CACNA1C: variants seen among roughly 807,000 people sequenced by gnomAD.
The protein encoded by CACNA1C is voltage-dependent L-type calcium channel subunit alpha-1C.
In CACNA1C, 30 loss-of-function variants were observed where a neutral mutation model predicts 229.0. The observed-to-expected ratio is 0.13, with a 90% CI of 0.10 to 0.18. The LOEUF is 0.18. Ranked by LOEUF, CACNA1C falls within the 10% of genes least tolerant of loss-of-function variation. The pLI is 1.00. For missense variants in CACNA1C, 1,658 were observed against 2,845.0 expected (o/e 0.58, Z 9.49); for synonymous variants, 1,114 against 1,132.5 (o/e 0.98, Z 0.33).
chr12:2,472,777 A>C (rs2099600234), intron 5 of CACNA1C, among the ~76,000 whole-genome samples: 1 of 152,206 alleles, frequency 6.6e-6, no homozygotes, highest in African/African-American at 2.4e-5. Flanking sequence ...CGAATATTAG[A>C]ATCATGGATA....
chr12:2,109,674 T>C (rs2080850943), intron 1 of CACNA1C, among the ~76,000 whole-genome samples: 1 of 152,152 alleles, frequency 6.6e-6, no homozygotes, highest in Non-Finnish European at 1.5e-5. Flanking sequence ...AAAGGTGACT[T>C]TGGCTGCTGC....
At chr12:2,030,543 C>T (rs2048049902) in intron 1 of CACNA1C, among the ~76,000 whole-genome samples, 2 of 152,208 alleles carry the variant, frequency 1.3e-5, no homozygotes, top group Admixed American at 6.5e-5. Flanking sequence ...TCACATGTTG[C>T]AGTGGGCTGC....
At chr12:2,672,652 T>C (rs775658264) in intron 38 of CACNA1C, among the ~76,000 whole-genome samples, 1 of 152,138 alleles carries the variant, frequency 6.6e-6, no homozygotes, top group African/African-American at 2.4e-5. Context: ...TGTCCTCTCC[T>C]CTTCTTGGAA....
At chr12:2,032,609 T>A (rs68133359) in intron 1 of CACNA1C, among the ~76,000 whole-genome samples, 23,307 of 152,210 alleles carry the variant, frequency 0.15, 1,832 homozygotes, top group South Asian at 0.16. Context: ...TTGATGTTCA[T>A]TGGGGCTGCA....
intron 29 of CACNA1C, among the ~76,000 whole-genome samples, chr12:2,628,433 C>T (rs1568915121): frequency 6.6e-6 from 1 of 152,188 alleles, no homozygotes; most frequent in African/African-American, 2.4e-5. Context: ...TACTAGTGAC[C>T]TGGAGGATGG....
At chr12:2,444,329 G>A (rs1299195234) in intron 3 of CACNA1C, among the ~76,000 whole-genome samples, 2 of 152,138 alleles carry the variant, frequency 1.3e-5, no homozygotes, top group African/African-American at 4.8e-5. Context: ...TAACCTTTAA[G>A]TTTCTTTCTC....
At chr12:2,438,118 A>G (rs1381194862) in intron 3 of CACNA1C, among the ~76,000 whole-genome samples, 2 of 129,662 alleles carry the variant, frequency 1.5e-5, no homozygotes, top group Admixed American at 7.7e-5. Flanking sequence ...GTGATAGTAG[A>G]GGTAGTAGTA....
chr12:2,297,017 C>T (rs2154465424), intron 3 of CACNA1C, among the ~76,000 whole-genome samples: 1 of 152,332 alleles, frequency 6.6e-6, no homozygotes, highest in East Asian at 1.9e-4. Flanking sequence ...TGGTCTTGGT[C>T]CTCCTGCCTT....
Position 2,319,311 on chromosome 12 carries a change from G to A in CACNA1C, c.478-129665G>A, listed in dbSNP as rs58363048. 0.097 allele frequency among the ~76,000 whole-genome samples: 14,782 copies of A among 151,966 alleles called. 2,405 individuals are homozygous for A. Among genetic ancestry groups the A allele is most frequent in the African/African-American group, 0.34 (13,955 of 41,390 alleles). ...GGGGCAGCGTGCATGAAGGCGGCAT[G>A]CATGGGGGTGCCGTGCATGGTGGGC... On this transcript the variant is annotated intron_variant, in intron 3 of 46. Coordinates refer to ENST00000399655, the MANE Select transcript of CACNA1C (RefSeq NM_000719.7). The surrounding 1 kb of genome is among the most constrained non-coding windows in gnomAD (Gnocchi z 4.0).
chr12:2,612,218 C>G, intron 29 of CACNA1C: 3 of 547,448 alleles, frequency 5.5e-6, no homozygotes, highest in Non-Finnish European at 9.8e-6. Context: ...TCTCAGCTCT[C>G]AGTGTTGACC....
At chr12:2,652,473 G>A (rs763396297) in intron 32 of CACNA1C, among the ~76,000 whole-genome samples, 4 of 152,246 alleles carry the variant, frequency 2.6e-5, no homozygotes, top group Non-Finnish European at 4.4e-5. Flanking sequence ...CCGTGAAGGC[G>A]GTTTCATGCT....
At position 2,649,813 on chromosome 12, in the gene CACNA1C, G is replaced by A. The variant is rs941538410; in HGVS notation, c.3945+1306G>A. Reference sequence around the variant, plus strand: ...CTTGTTCTTTTTTTTCTCCTTTCTCGAACACGGTGGAACTGACAGCTGAGT... The same window carrying A: ...CTTGTTCTTTTTTTTCTCCTTTCTCAAACACGGTGGAACTGACAGCTGAGT... On this transcript the variant is annotated intron_variant, in intron 31 of 46. Coordinates refer to ENST00000399655, the MANE Select transcript of CACNA1C (RefSeq NM_000719.7). The surrounding 1 kb of genome is among the most constrained non-coding windows in gnomAD (Gnocchi z 4.4). 4.0e-5 allele frequency among the ~76,000 whole-genome samples: 6 copies of A among 151,554 alleles called. No homozygotes were observed. The highest frequency in any genetic ancestry group is 1.5e-4 in the African/African-American group (6 of 41,204).
At chr12:2,524,001 A>G (rs753399455) in intron 9 of CACNA1C, among the ~76,000 whole-genome samples, 7 of 152,260 alleles carry the variant, frequency 4.6e-5, no homozygotes, top group African/African-American at 7.2e-5. Context: ...TGACAGCTCC[A>G]GCCTTTCTCA....
At chr12:2,190,525 C>T (rs552708458) in intron 3 of CACNA1C, among the ~76,000 whole-genome samples, 7 of 152,304 alleles carry the variant, frequency 4.6e-5, no homozygotes, top group Middle Eastern at 3.4e-3. Flanking sequence ...TTATTCATTA[C>T]GCACTCAATG....
At chr12:2,690,583 C>T (rs2097765714) in intron 46 of CACNA1C, among the ~76,000 whole-genome samples, 1 of 152,208 alleles carries the variant, frequency 6.6e-6, no homozygotes, top group African/African-American at 2.4e-5. Context: ...GTCCTTCTGC[C>T]TGGGCTTCCC....
intron 4 of CACNA1C, among the ~76,000 whole-genome samples, chr12:2,449,860 C>T (rs2099344582): frequency 6.6e-6 from 1 of 152,200 alleles, no homozygotes; most frequent in Non-Finnish European, 1.5e-5. Flanking sequence ...ATGCAGTCTG[C>T]AGGTGTGGGG....
At chr12:2,528,524 C>T (rs575327744) in intron 9 of CACNA1C, among the ~76,000 whole-genome samples, 1 of 152,340 alleles carries the variant, frequency 6.6e-6, no homozygotes, top group African/African-American at 2.4e-5. Context: ...CTGATCTCTG[C>T]ACGGAAAGCC....
chr12:2,076,399 G>A (rs993338438), intron 1 of CACNA1C, among the ~76,000 whole-genome samples: 3 of 152,042 alleles, frequency 2.0e-5, no homozygotes, highest in Admixed American at 6.6e-5. Context: ...AAAGGGGCTC[G>A]TACACATACA....
chr12:2,657,667 C>G (rs1165761089), intron 34 of CACNA1C, among the ~76,000 whole-genome samples: 1 of 152,076 alleles, frequency 6.6e-6, no homozygotes, highest in Non-Finnish European at 1.5e-5. Flanking sequence ...AGGTAAAGTT[C>G]ACTATTAAAA....
Sources: allele counts gnomAD v4.1 joint callset (sites outside exome capture counted in the v4.1 genomes callset), GRCh38; gene constraint gnomAD v4.1.1; non-coding constraint Gnocchi (gnomAD v3.1); transcripts MANE v1.5; gene names NCBI Gene and HGNC (gene_info 2026-07-23, HGNC 2026-07-21).